Variants in PBX4 observed in about 807,000 individuals in gnomAD.
PBX4 encodes the protein pre-B-cell leukemia transcription factor 4.
In PBX4, 26 loss-of-function variants were observed where a neutral mutation model predicts 35.1. The ratio of observed to expected loss-of-function variants is 0.74; its 90% CI spans 0.54 to 1.03. PBX4 has a LOEUF of 1.03. Ranked by LOEUF, PBX4 falls within the 50% of genes least tolerant of loss-of-function variation. The pLI is 0.00. For missense variants in PBX4, 448 were observed against 504.3 expected, an observed-to-expected ratio of 0.89 and a Z score of 1.07; for synonymous variants, 199 against 204.2, an observed-to-expected ratio of 0.97 and a Z score of 0.22.
chr19:19,599,201 A>C (rs1346901553), intron 2 of PBX4, 91 bp downstream of exon 2: 1 of 1,072,544 alleles, frequency 9.3e-7, no homozygotes, highest in African/African-American at 1.6e-5. Context: ...ATCCAGCCTC[A>C]GGTGATCTGC....
At chr19:19,569,388 C>T in intron 5 of PBX4, 61 bp downstream of exon 5, 1 of 1,557,930 alleles carries the variant, frequency 6.4e-7, no homozygotes, top group Admixed American at 2.0e-5. Context: ...TGGGTGTCCT[C>T]ATGGGACCTA....
chr19:19,588,233 C>T, intron 2 of PBX4: 1 of 1,373,246 alleles, frequency 7.3e-7, no homozygotes, highest in Non-Finnish European at 1.0e-6. Flanking sequence ...CCCAGGGCCT[C>T]CACAGATCAC....
chr19:19,610,543 G>A (rs567501780), intron 1 of PBX4, among the ~76,000 whole-genome samples: 18 of 152,096 alleles, frequency 1.2e-4, no homozygotes, highest in Admixed American at 2.0e-4. Flanking sequence ...TTGAGGTCAG[G>A]AGTTCAAGAC....
At chr19:19,579,780 C>T (rs186895934) in intron 2 of PBX4, 28 of 152,522 alleles carry the variant, frequency 1.8e-4, no homozygotes, top group Non-Finnish European at 3.2e-4. Flanking sequence ...TACATAGAAC[C>T]GCAGGCCCGG....
chr19:19,604,590 G>C (rs1568396970), intron 1 of PBX4, among the ~76,000 whole-genome samples: 1 of 123,110 alleles, frequency 8.1e-6, no homozygotes, highest in African/African-American at 3.1e-5. Flanking sequence ...CTGAACATTA[G>C]TCTTTCTTTA....
chr19:19,591,551 C>T (rs892273377), intron 2 of PBX4, among the ~76,000 whole-genome samples: 2 of 152,240 alleles, frequency 1.3e-5, no homozygotes, highest in African/African-American at 2.4e-5. Context: ...ACTTCTTGTT[C>T]CCCAGAGACA....
chr19:19,610,138 G>C (rs1487744854), intron 1 of PBX4, among the ~76,000 whole-genome samples: 2 of 152,334 alleles, frequency 1.3e-5, no homozygotes, highest in Non-Finnish European at 2.9e-5. Context: ...AATTTGCCAG[G>C]CACGGTGGCT....
intron 1 of PBX4, among the ~76,000 whole-genome samples, chr19:19,604,685 C>T (rs1010400730): frequency 5.3e-5 from 8 of 151,926 alleles, no homozygotes. Flanking sequence ...ACTGCAACCT[C>T]CACCTCCCAG....
At chr19:19,580,479 C>T (rs1231500430) in intron 2 of PBX4, among the ~76,000 whole-genome samples, 3 of 152,138 alleles carry the variant, frequency 2.0e-5, no homozygotes, top group African/African-American at 7.2e-5. Flanking sequence ...TGGGACCCAG[C>T]GTGGTAACTG....
rs546911623 is a variant in PBX4 at position 19,566,957 on chromosome 19, G to A, written c.769-1868C>T. Among the ~76,000 whole-genome samples the A allele has an allele frequency of 3.9e-5, 6 of 152,232 alleles. No homozygotes were observed. In the South Asian group the frequency reaches 8.3e-4, roughly 21 times the overall value. On this transcript the variant is annotated intron_variant, in intron 5 of 7. Coordinates refer to ENST00000251203, the MANE Select transcript of PBX4 (RefSeq NM_025245.3). ...ACTCCTGACCTCAGGTGATTCGTCC[G>A]CCTTGGCCTCCAAAGTGCTGGGATT...
At chr19:19,565,187 CT>C in intron 5 of PBX4, 98 bp from the exon 6 acceptor site, 1 of 1,443,190 alleles carries the variant, frequency 6.9e-7, no homozygotes, top group Non-Finnish European at 9.6e-7. Flanking sequence ...CTCCCACTGC[CT>C]TAGAAGACAA....
chr19:19,583,311 C>G (rs1040239684), intron 2 of PBX4, among the ~76,000 whole-genome samples: 12 of 150,886 alleles, frequency 8.0e-5, no homozygotes, highest in Non-Finnish European at 1.2e-4. Flanking sequence ...CAAAACAAAA[C>G]AAAACAAAGA....
At chr19:19,596,259 T>G (rs770201119) in intron 2 of PBX4, among the ~76,000 whole-genome samples, 1 of 151,768 alleles carries the variant, frequency 6.6e-6, no homozygotes, top group Non-Finnish European at 1.5e-5. Context: ...GGCGTGGTGG[T>G]GCACACCATA....
chr19:19,572,030 CAAAA>C (rs546626234), intron 2 of PBX4, among the ~76,000 whole-genome samples: 1 of 59,844 alleles, frequency 1.7e-5, no homozygotes. Context: ...GACCCCGTCT[CAAAA>C]AAAAAAAAAA....
intron 1 of PBX4, among the ~76,000 whole-genome samples, chr19:19,606,991 A>AAAAC (rs920276577): frequency 1.3e-5 from 2 of 152,134 alleles, no homozygotes; most frequent in South Asian, 2.1e-4. Flanking sequence ...ACTCTGTCTC[A>AAAAC]AAACAAACAA....
At chr19:19,617,888 G>A (rs1054983122) in intron 1 of PBX4, among the ~76,000 whole-genome samples, 2 of 152,068 alleles carry the variant, frequency 1.3e-5, no homozygotes, top group Non-Finnish European at 2.9e-5. Context: ...CCCACAGGCC[G>A]GGCTCGGTGG....
rs550752634 is a variant in PBX4 at position 19,570,738 on chromosome 19, C to A, written c.289G>T (p.Glu97Ter). The change falls in exon 3 of 8, where the codon GAG becomes TAG. Residue 97 changes from glutamate (E) to a stop codon, truncating the protein, a stop_gained. Transcript: ENST00000251203. LOFTEE classifies it high-confidence loss of function. ...ACCGCTCCTCCTCTTCCTCTCTTCT[C>A]GGGCCTGCACACGCCCTCAGCCAGC... is the stretch of plus-strand genomic sequence containing the variant. ...MLLAEGVCRPEKRGRGGAVAR... is the reference protein window; with the variant it reads ...MLLAEGVCRP 6.2e-7 allele frequency: 1 copy of A among 1,614,092 alleles called. No individual in the cohort carries two copies. Among genetic ancestry groups the A allele is most frequent in the Non-Finnish European group, 8.5e-7 (1 of 1,180,018 alleles).
chr19:19,567,887 T>A (rs1233830027), intron 5 of PBX4, among the ~76,000 whole-genome samples: 1 of 148,352 alleles, frequency 6.7e-6, no homozygotes. Context: ...TCCATCTGTA[T>A]CCCTCAGGGA....
At chr19:19,609,515 C>CTCCA (rs1305951197) in intron 1 of PBX4, among the ~76,000 whole-genome samples, 2 of 136,866 alleles carry the variant, frequency 1.5e-5, no homozygotes, top group African/African-American at 5.6e-5. Context: ...CGCCATTGCA[C>CTCCA]TCCAGCCTGG....
Sources: allele counts gnomAD v4.1 joint callset (sites outside exome capture counted in the v4.1 genomes callset), GRCh38; gene constraint gnomAD v4.1.1; transcripts MANE v1.5; gene names NCBI Gene and HGNC (gene_info 2026-07-23, HGNC 2026-07-21).